The following APOO variants were observed in gnomAD, a reference collection of about 807,000 sequenced individuals.
The protein encoded by APOO is apolipoprotein O.
Under a neutral mutation model 23.1 loss-of-function variants are expected in APOO, and 11 were observed. The observed-to-expected ratio is 0.48, with a 90% CI of 0.30 to 0.79. APOO has a LOEUF of 0.79. Among genes scored for constraint, APOO ranks in the 30% least tolerant of loss-of-function variants. The pLI, the probability that APOO is intolerant of heterozygous loss-of-function variation, is 0.07. For missense variants in APOO, 160 were observed against 142.7 expected, an observed-to-expected ratio of 1.12 and a Z score of -0.62; for synonymous variants, 59 against 54.8, an observed-to-expected ratio of 1.08 and a Z score of -0.34.
intron 4 of APOO, among the ~76,000 whole-genome samples, chrX:23,871,362 CAAA>C (rs750866169): frequency 8.9e-5 from 5 of 56,310 alleles, no homozygotes; most frequent in African/African-American, 1.7e-4. Flanking sequence ...GACTCCGTCT[CAAA>C]AAAAAAAAAA....
intron 1 of APOO, among the ~76,000 whole-genome samples, chrX:23,893,120 G>T (rs1298125779): frequency 2.7e-5 from 3 of 109,717 alleles, no homozygotes; most frequent in African/African-American, 9.9e-5. Flanking sequence ...TAAATTGAAT[G>T]AAAAATCAAG....
intron 1 of APOO, among the ~76,000 whole-genome samples, chrX:23,886,908 A>G (rs904214397): frequency 3.6e-5 from 4 of 111,582 alleles, no homozygotes; most frequent in African/African-American, 1.3e-4. Context: ...TTAAGAAGGG[A>G]AAGGCTAAGA....
At chrX:23,904,819 C>T (rs1927285344) in intron 1 of APOO, among the ~76,000 whole-genome samples, 1 of 111,200 alleles carries the variant, frequency 9.0e-6, no homozygotes, top group Non-Finnish European at 1.9e-5. Context: ...CACTGTTGAC[C>T]AACTGAATCA....
At chrX:23,875,488 G>A (rs1925806933) in intron 3 of APOO, among the ~76,000 whole-genome samples, 1 of 102,388 alleles carries the variant, frequency 9.8e-6, no homozygotes, top group African/African-American at 3.6e-5. Flanking sequence ...GCGCGACCTC[G>A]GCTCACTGCA....
At position 23,898,575 on chromosome X, in the gene APOO, G is replaced by A. The variant is rs185852160; in HGVS notation, c.9+9119C>T. Reference sequence around the variant, plus strand: ...ATCATGTACAAGACTCAATTCGGTTGATAACCATCTGACCTCATAATGAAA... The same window carrying A: ...ATCATGTACAAGACTCAATTCGGTTAATAACCATCTGACCTCATAATGAAA... On this transcript the variant is annotated intron_variant, in intron 1 of 8. Coordinates refer to ENST00000379226, the MANE Select transcript of APOO (RefSeq NM_024122.5). Among the ~76,000 whole-genome samples the A allele has an allele frequency of 6.2e-3, 693 of 111,800 alleles. 2 individuals carry two copies. Among genetic ancestry groups the A allele is most frequent in the Non-Finnish European group, 0.01 (541 of 53,159 alleles).
At chrX:23,881,772 AC>A (rs1926148333) in intron 1 of APOO, among the ~76,000 whole-genome samples, 1 of 70,572 alleles carries the variant, frequency 1.4e-5, no homozygotes, top group Non-Finnish European at 2.3e-5. Context: ...TCCCGTCTCT[AC>A]TAAAATTACA....
At chrX:23,904,224 C>A (rs1230968459) in intron 1 of APOO, among the ~76,000 whole-genome samples, 1 of 111,212 alleles carries the variant, frequency 9.0e-6, no homozygotes, top group East Asian at 2.8e-4. Flanking sequence ...TGAATGCATT[C>A]CTCTCCCCTG....
At chrX:23,859,465 C>T (rs1175307518) in intron 5 of APOO, among the ~76,000 whole-genome samples, 1 of 105,325 alleles carries the variant, frequency 9.5e-6, no homozygotes, top group Non-Finnish European at 1.9e-5. Flanking sequence ...TTTTTTGAGA[C>T]AGAGTTTTGC....
At chrX:23,842,324 G>C (rs1051566213) in intron 7 of APOO, among the ~76,000 whole-genome samples, 2 of 111,666 alleles carry the variant, frequency 1.8e-5, no homozygotes, top group Non-Finnish European at 3.8e-5. Flanking sequence ...GGGAGGTTGA[G>C]GCTGCAGTAA....
At chrX:23,861,217 A>G (rs1925009135) in intron 5 of APOO, among the ~76,000 whole-genome samples, 1 of 111,168 alleles carries the variant, frequency 9.0e-6, no homozygotes, top group African/African-American at 3.3e-5. Flanking sequence ...ATGAAGGTGG[A>G]TTTCTCACAG....
intron 1 of APOO, chrX:23,883,838 G>T (rs1461336025): frequency 8.9e-6 from 1 of 112,116 alleles, no homozygotes; most frequent in Non-Finnish European, 1.9e-5. Flanking sequence ...TAGGGGTTTT[G>T]AGCAGTGGGG....
Position 23,904,713 on chromosome X carries a change from A to G in APOO, c.9+2981T>C, listed in dbSNP as rs1224726987. ...AGTAGAGACAGGGTTTCACCATGTT[A>G]GCCAGGATGGTCTCGATCTCCTGAC... On this transcript the variant is annotated intron_variant, in intron 1 of 8. Coordinates refer to ENST00000379226, the MANE Select transcript of APOO (RefSeq NM_024122.5). Among the ~76,000 whole-genome samples the G allele has an allele frequency of 3.6e-5, 4 of 109,794 alleles. No individual in the cohort carries two copies. The East Asian group carries it at 1.2e-3, about 32-fold the overall frequency.
chrX:23,834,728 A>T (rs1487852568), intron 8 of APOO, among the ~76,000 whole-genome samples: 2 of 100,843 alleles, frequency 2.0e-5, no homozygotes, highest in Non-Finnish European at 4.0e-5. Flanking sequence ...CTTTTTTCAT[A>T]TTTTTTTTTT....
intron 7 of APOO, among the ~76,000 whole-genome samples, chrX:23,848,544 G>GA (rs1325791348): frequency 5.4e-5 from 6 of 111,657 alleles, no homozygotes; most frequent in African/African-American, 1.9e-4. Flanking sequence ...ATAAATAAGA[G>GA]AAAAAAATCA....
At chrX:23,888,462 T>A (rs1276483895) in intron 1 of APOO, among the ~76,000 whole-genome samples, 1 of 111,882 alleles carries the variant, frequency 8.9e-6, no homozygotes, top group Non-Finnish European at 1.9e-5. Flanking sequence ...ATAAAACACA[T>A]AAGCAGACAA....
At chrX:23,841,306 C>T (rs962985393) in intron 7 of APOO, among the ~76,000 whole-genome samples, 2 of 109,558 alleles carry the variant, frequency 1.8e-5, no homozygotes, top group African/African-American at 3.3e-5. Context: ...TCTATAAGTA[C>T]TGTTTTATAC....
In APOO at chrX:23,900,720, C is replaced by T; in HGVS notation, c.9+6974G>A. On this transcript the variant is annotated intron_variant, in intron 1 of 8. Transcript: ENST00000379226. The stretch of plus-strand genomic sequence containing the variant: ...AGAAATCTCAACAAGGTCGCTCAGC[C>T]AGAAACACAACTAGAACCTGAGGCT... Among the ~76,000 whole-genome samples the T allele has an allele frequency of 4.6e-5, 5 of 108,566 alleles. No homozygotes were observed. In the Middle Eastern group the frequency reaches 0.023, roughly 510 times the overall value. 94.3% of individuals were successfully genotyped at this position (108,566 alleles called of 115,157 possible). A position where few individuals can be genotyped will look rare whatever the true frequency, so the allele number is the denominator to read the frequency against.
At position 23,907,834 on chromosome X, in the gene APOO, G is replaced by T; in HGVS notation, c.-132C>A. On this transcript the variant is annotated 5_prime_UTR_variant, in exon 1 of 9. Coordinates refer to ENST00000379226, the MANE Select transcript of APOO (RefSeq NM_024122.5). ...GCAGGCAGCGGTGCGGGTGACGGCC[G>T]TACTGCAAACTCGGTGCGGCGAAGG... The T allele has an allele frequency of 1.4e-6, 1 of 728,122 alleles. No individual in the cohort carries two copies. The highest frequency in any genetic ancestry group is 3.9e-4 in the Middle Eastern group (1 of 2,569). The allele number at this position is 728,122 out of a possible 1,213,427, so 60.0% of individuals were successfully genotyped here.
At chrX:23,902,636 C>T (rs745391147) in intron 1 of APOO, among the ~76,000 whole-genome samples, 1 of 111,825 alleles carries the variant, frequency 8.9e-6, no homozygotes, top group African/African-American at 3.2e-5. Flanking sequence ...TTTTTTAATC[C>T]ACCAATGCCC....
Sources: gnomAD v4.1 joint callset for allele counts (sites outside exome capture counted in the v4.1 genomes callset) on GRCh38, gnomAD v4.1.1 for gene constraint, MANE v1.5 for transcripts, NCBI Gene and HGNC (gene_info 2026-07-23, HGNC 2026-07-21) for gene names.